PTGES3: variants seen among roughly 807,000 people sequenced by gnomAD.
PTGES3 encodes prostaglandin E synthase 3, also known as Hsp90 co-chaperone.
In PTGES3, 5 loss-of-function variants were observed where a neutral mutation model predicts 29.9. The ratio of observed to expected loss-of-function variants is 0.17; its 90% CI spans 0.09 to 0.35. The LOEUF (loss-of-function observed/expected upper bound fraction) is 0.35, where lower values mean the gene tolerates loss of function less well. Ranked by LOEUF, PTGES3 falls within the 10% of genes least tolerant of loss-of-function variation. The pLI, the probability that PTGES3 is intolerant of heterozygous loss-of-function variation, is 1.00. For missense variants in PTGES3, 128 were observed against 190.0 expected (o/e 0.67, Z 1.92); for synonymous variants, 49 against 57.8 (o/e 0.85, Z 0.69).
At chr12:56,684,707 G>A (rs1191846156) in intron 1 of PTGES3, among the ~76,000 whole-genome samples, 2 of 152,114 alleles carry the variant, frequency 1.3e-5, no homozygotes, top group East Asian at 3.8e-4. Flanking sequence ...AAGAAAATGC[G>A]AAGTAGCACC....
At chr12:56,672,902 C>T in intron 2 of PTGES3, 50 bp downstream of exon 2, 1 of 1,558,884 alleles carries the variant, frequency 6.4e-7, no homozygotes, top group Non-Finnish European at 8.7e-7. Flanking sequence ...CAAAGTTATT[C>T]AGTTGTGTGA....
intron 1 of PTGES3, among the ~76,000 whole-genome samples, chr12:56,683,073 G>A (rs1003174831): frequency 6.6e-6 from 1 of 152,172 alleles, no homozygotes; most frequent in African/African-American, 2.4e-5. Flanking sequence ...ATTGCCGGCT[G>A]CGGCAGTAGC....
At chr12:56,664,588 A>C in intron 7 of PTGES3, 90 bp from the exon 8 acceptor site, 1 of 1,439,730 alleles carries the variant, frequency 6.9e-7, no homozygotes, top group South Asian at 1.3e-5. Flanking sequence ...CAAAAATCGA[A>C]ATACATAGTT....
intron 1 of PTGES3, chr12:56,687,707 G>A (rs1044724825): frequency 7.4e-6 from 10 of 1,348,600 alleles, no homozygotes; most frequent in South Asian, 3.4e-5. Context: ...TAAGGCCTAG[G>A]GTGAAGTTAC....
intron 1 of PTGES3, among the ~76,000 whole-genome samples, chr12:56,681,758 G>A (rs12818187): frequency 6.6e-6 from 1 of 151,496 alleles, no homozygotes; most frequent in African/African-American, 2.4e-5. Context: ...AGGGGGCTGA[G>A]GCAGGAGAAT....
At chr12:56,679,770 G>A (rs1450136609) in intron 1 of PTGES3, among the ~76,000 whole-genome samples, 3 of 152,102 alleles carry the variant, frequency 2.0e-5, no homozygotes, top group Non-Finnish European at 2.9e-5. Flanking sequence ...CACCTCCCAG[G>A]TTGAAGCAAT....
intron 1 of PTGES3, among the ~76,000 whole-genome samples, chr12:56,675,429 TA>T (rs1264306568): frequency 6.6e-6 from 1 of 150,790 alleles, no homozygotes; most frequent in East Asian, 2.0e-4. Flanking sequence ...CTACATTTTT[TA>T]AATGTATATT....
chr12:56,687,659 G>A (rs1952943661), intron 1 of PTGES3: 1 of 1,220,030 alleles, frequency 8.2e-7, no homozygotes, highest in Non-Finnish European at 1.0e-6. Flanking sequence ...GAAGGTTCAC[G>A]CTTCAGGGCG....
At chr12:56,670,417 T>TGAACCTTAA (rs1951958774) in intron 4 of PTGES3, 53 bp from the exon 5 acceptor site, 1 of 1,334,060 alleles carries the variant, frequency 7.5e-7, no homozygotes. Context: ...GCATTTGGCA[T>TGAACCTTAA]GAACCTTAAG....
intron 5 of PTGES3, among the ~76,000 whole-genome samples, chr12:56,670,024 G>A (rs1489601346): frequency 1.3e-5 from 2 of 148,966 alleles, no homozygotes; most frequent in Admixed American, 6.7e-5. Context: ...AGCTGTGTTA[G>A]TTTGTCTTAA....
At chr12:56,667,368 G>A (rs1007027920) in intron 5 of PTGES3, among the ~76,000 whole-genome samples, 2 of 151,876 alleles carry the variant, frequency 1.3e-5, no homozygotes, top group African/African-American at 4.8e-5. Flanking sequence ...ACATATGCAT[G>A]GAAAAAAAAT....
At chr12:56,670,224 G>C in intron 5 of PTGES3, 51 bp downstream of exon 5, 1 of 1,219,984 alleles carries the variant, frequency 8.2e-7, no homozygotes, top group South Asian at 1.2e-5. Flanking sequence ...TGACTACATA[G>C]ACAGGTACCG....
chr12:56,680,024 G>A (rs922670518), intron 1 of PTGES3, among the ~76,000 whole-genome samples: 1 of 151,840 alleles, frequency 6.6e-6, no homozygotes. Context: ...CCTCATGGAA[G>A]GCAAAAGGAG....
At position 56,688,096 on chromosome 12, in the gene PTGES3, T is replaced by G; in HGVS notation, c.-97A>C. 7.0e-7 allele frequency: 1 copy of G among 1,434,854 alleles called. No individual in the cohort carries two copies. The highest frequency in any genetic ancestry group is 2.8e-5 in the Admixed American group (1 of 36,330). 88.9% of individuals were successfully genotyped at this position (1,434,854 alleles called of 1,614,324 possible). On this transcript the variant is annotated 5_prime_UTR_variant, in exon 1 of 8. Coordinates refer to ENST00000262033, the MANE Select transcript of PTGES3 (RefSeq NM_006601.7). ...ACTTCTCTCCGGTGGCGACTCCGCT[T>G]TTTCTCTCCGGTCGCGGCCTCTTCT...
At chr12:56,687,709 T>G in intron 1 of PTGES3, 1 of 1,344,684 alleles carries the variant, frequency 7.4e-7, no homozygotes, top group African/African-American at 1.5e-5. Flanking sequence ...AGGCCTAGGG[T>G]GAAGTTACCG....
At chr12:56,680,443 C>T (rs1451950922) in intron 1 of PTGES3, among the ~76,000 whole-genome samples, 6 of 151,540 alleles carry the variant, frequency 4.0e-5, no homozygotes, top group Non-Finnish European at 5.9e-5. Flanking sequence ...TGGACTGCAA[C>T]GGCGTCATCT....
intron 1 of PTGES3, among the ~76,000 whole-genome samples, chr12:56,683,731 A>G (rs1178529401): frequency 6.6e-6 from 1 of 151,704 alleles, no homozygotes; most frequent in Non-Finnish European, 1.5e-5. Context: ...AGGCCGAGGC[A>G]GGCGGATCAC....
At chr12:56,685,440 G>GCC (rs1395962411) in intron 1 of PTGES3, among the ~76,000 whole-genome samples, 1 of 143,036 alleles carries the variant, frequency 7.0e-6, no homozygotes, top group Non-Finnish European at 1.5e-5. Context: ...TCGCTGTGTC[G>GCC]CCCAGGCTGG....
chr12:56,671,792 T>A lies in PTGES3; in HGVS notation c.242A>T (p.Glu81Val), dbSNP rs1952016276. The change falls in exon 4 of 8, where the codon GAA (glutamate) becomes GTA (valine). Residue 81 changes from glutamate (E) to valine (V), a missense_variant. Transcript: ENST00000262033. ...TAACCTTGGCCATGACTGGCCAGATTCTCCTTTTCGTAAACAACATAAAAT... is the reference window on the plus strand; with the variant it reads ...TAACCTTGGCCATGACTGGCCAGATACTCCTTTTCGTAAACAACATAAAAT... The part of the protein sequence containing the change: ...RSILCCLRKG[E>V]SGQSWPRLTK... The A allele has an allele frequency of 6.3e-7, 1 of 1,578,550 alleles. No individual in the cohort carries two copies. The highest frequency in any genetic ancestry group is 1.8e-5 in the Admixed American group (1 of 55,182).
Sources: allele counts gnomAD v4.1 joint callset (sites outside exome capture counted in the v4.1 genomes callset), GRCh38; gene constraint gnomAD v4.1.1; transcripts MANE v1.5; gene names NCBI Gene and HGNC (gene_info 2026-07-23, HGNC 2026-07-21).